USP6NL: variants seen among roughly 807,000 people sequenced by gnomAD.
The protein encoded by USP6NL is USP6 N-terminal like, also known as USP6 N-terminal-like protein.
In USP6NL, 26 loss-of-function variants were observed where a neutral mutation model predicts 61.9. The ratio of observed to expected loss-of-function variants is 0.42; its 90% confidence interval spans 0.31 to 0.58. USP6NL has a LOEUF of 0.58. Ranked by LOEUF, USP6NL falls within the 20% of genes least tolerant of loss-of-function variation. The pLI, the probability that USP6NL is intolerant of heterozygous loss-of-function variation, is 0.16. For synonymous variants in USP6NL, 432 were observed against 390.1 expected (o/e 1.11, Z -1.27); for missense variants, 1,114 against 1,034.3 (o/e 1.08, Z -1.06).
Position 11,527,518 on chromosome 10 carries a change from T to C in USP6NL, c.54A>G (p.Ile18Met). 6.2e-7 allele frequency: 1 copy of C among 1,607,978 alleles called. No homozygotes were observed. The highest frequency in any genetic ancestry group is 8.5e-7 in the Non-Finnish European group (1 of 1,176,918). ...TACTTACTCTGTCATATTTAGCAAC[T>C]ATTTCAGCTCGCTCCTGGGCAAGTT... is the stretch of plus-strand genomic sequence containing the variant. ...ALKLAQERAE[I>M]VAKYDRGREG... The change falls in exon 3 of 15, where the codon ATA (isoleucine) becomes ATG (methionine). Residue 18 changes from isoleucine (I) to methionine (M), a missense_variant. Transcript: ENST00000609104.
intron 13 of USP6NL, among the ~76,000 whole-genome samples, chr10:11,484,188 A>C (rs1833361170): frequency 6.6e-6 from 1 of 152,230 alleles, no homozygotes; most frequent in South Asian, 2.1e-4. Context: ...AAGTACGTGT[A>C]CGTATGAAGC....
intron 2 of USP6NL, chr10:11,564,761 C>T (rs115909088): frequency 6.6e-6 from 1 of 152,310 alleles, no homozygotes; most frequent in East Asian, 1.9e-4. Context: ...GAAAGCAACA[C>T]AAGATATTGC....
intron 2 of USP6NL, among the ~76,000 whole-genome samples, chr10:11,542,310 G>T (rs1009899976): frequency 1.3e-5 from 2 of 152,138 alleles, no homozygotes; most frequent in African/African-American, 4.8e-5. Flanking sequence ...TGTAAATAAT[G>T]TGAAAAATGC....
intron 2 of USP6NL, among the ~76,000 whole-genome samples, chr10:11,547,811 G>A (rs1003662399): frequency 5.3e-5 from 8 of 152,132 alleles, no homozygotes; most frequent in Non-Finnish European, 4.4e-5. Context: ...AAAGTGCTAG[G>A]ATTACAGGCA....
In USP6NL at chr10:11,527,582, T is replaced by G; in HGVS notation, c.5-15A>C. 6.2e-7 allele frequency: 1 copy of G among 1,601,482 alleles called. No individual in the cohort carries two copies. The highest frequency in any genetic ancestry group is 8.5e-7 in the Non-Finnish European group (1 of 1,173,158). On this transcript the variant is annotated splice_polypyrimidine_tract_variant and intron_variant, in intron 2 of 14. Transcript: ENST00000609104. ...CTGGTCTGAATCTGTGGAGAAGACA[T>G]CAAATTTAGATGAATTGTCATTGAA... is the stretch of plus-strand genomic sequence containing the variant.
intron 5 of USP6NL, among the ~76,000 whole-genome samples, chr10:11,509,929 C>T (rs1309508938): frequency 6.6e-6 from 1 of 151,966 alleles, no homozygotes; most frequent in African/African-American, 2.4e-5. Context: ...TGAAAAGTAA[C>T]CAAAATATTG....
At chr10:11,593,222 T>C (rs1838212464) in intron 2 of USP6NL, among the ~76,000 whole-genome samples, 1 of 152,260 alleles carries the variant, frequency 6.6e-6, no homozygotes, top group Non-Finnish European at 1.5e-5. Context: ...CATTAAAATT[T>C]TAAAACAGAG....
chr10:11,509,712 G>A (rs368851778), intron 5 of USP6NL, 37 bp from the exon 6 acceptor site: 213 of 1,489,002 alleles, frequency 1.4e-4, no homozygotes, highest in Non-Finnish European at 1.8e-4. Context: ...ATTGTTGTTC[G>A]TTTCTTTACT....
intron 2 of USP6NL, among the ~76,000 whole-genome samples, chr10:11,530,101 C>CAAA (rs900768943): frequency 3.6e-4 from 26 of 71,928 alleles, no homozygotes; most frequent in Admixed American, 4.9e-4. Context: ...GACCCTGTCT[C>CAAA]AAAAAAAAAA....
chr10:11,519,425 T>G (rs1193690609), intron 4 of USP6NL, among the ~76,000 whole-genome samples: 2 of 151,830 alleles, frequency 1.3e-5, no homozygotes, highest in Non-Finnish European at 2.9e-5. Context: ...AGGTCAGGAG[T>G]TGAAGACCAG....
intron 6 of USP6NL, among the ~76,000 whole-genome samples, chr10:11,504,636 A>G (rs1834358538): frequency 6.6e-6 from 1 of 152,258 alleles, no homozygotes; most frequent in Admixed American, 6.5e-5. Context: ...AACATCATTC[A>G]TTCATTCTAA....
At chr10:11,524,938 T>C (rs1835357632) in intron 4 of USP6NL, among the ~76,000 whole-genome samples, 1 of 152,186 alleles carries the variant, frequency 6.6e-6, no homozygotes. Context: ...ATGGAATTAA[T>C]TTTGAGAAGC....
At position 11,587,949 on chromosome 10, in the gene USP6NL, G is replaced by C. The variant is rs1187291073; in HGVS notation, c.4+9682C>G. On this transcript the variant is annotated intron_variant, in intron 2 of 14. Transcript: ENST00000609104. The surrounding 1 kb of genome is among the most constrained non-coding windows in gnomAD (Gnocchi z 4.5). Reference sequence around the variant, plus strand: ...CTATTTCAATTCAAGTAGAAATGGGGAATTTTCTACTAAACAGCTAAACGT... The same window carrying C: ...CTATTTCAATTCAAGTAGAAATGGGCAATTTTCTACTAAACAGCTAAACGT... Among the ~76,000 whole-genome samples the C allele has an allele frequency of 2.0e-5, 3 of 152,280 alleles. No individual in the cohort carries two copies. Among genetic ancestry groups the C allele is most frequent in the East Asian group, 3.9e-4 (2 of 5,184 alleles).
chr10:11,504,046 T>C (rs983118384), intron 6 of USP6NL, among the ~76,000 whole-genome samples: 17 of 151,930 alleles, frequency 1.1e-4, no homozygotes, highest in African/African-American at 3.9e-4. Flanking sequence ...TTAAAAGGAA[T>C]ATAAAAACGA....
intron 2 of USP6NL, among the ~76,000 whole-genome samples, chr10:11,578,744 A>G (rs1837641519): frequency 6.6e-6 from 1 of 152,260 alleles, no homozygotes; most frequent in Non-Finnish European, 1.5e-5. Flanking sequence ...TTAAATGTCA[A>G]TACAATATAT....
intron 4 of USP6NL, among the ~76,000 whole-genome samples, chr10:11,523,879 C>G (rs1256865292): frequency 6.6e-6 from 1 of 152,120 alleles, no homozygotes; most frequent in Admixed American, 6.5e-5. Flanking sequence ...GAATCAAAAT[C>G]TAGGAAAGAC....
At chr10:11,604,619 C>G (rs1388386113) in intron 1 of USP6NL, among the ~76,000 whole-genome samples, 7 of 152,156 alleles carry the variant, frequency 4.6e-5, no homozygotes, top group African/African-American at 1.7e-4. Context: ...AGAATTCAAA[C>G]TGATAATAAA....
chr10:11,535,353 C>T (rs1835790873), intron 2 of USP6NL, among the ~76,000 whole-genome samples: 2 of 152,180 alleles, frequency 1.3e-5, no homozygotes, highest in Admixed American at 1.3e-4. Flanking sequence ...TCAACCAGCC[C>T]TTCTCTGTGG....
At chr10:11,515,520 C>G (rs903474852) in intron 5 of USP6NL, among the ~76,000 whole-genome samples, 1 of 152,198 alleles carries the variant, frequency 6.6e-6, no homozygotes, top group Non-Finnish European at 1.5e-5. Context: ...TGGCTTCTGA[C>G]GTGAGAGGCA....
Sources: allele counts gnomAD v4.1 joint callset (sites outside exome capture counted in the v4.1 genomes callset), GRCh38; gene constraint gnomAD v4.1.1; non-coding constraint Gnocchi (gnomAD v3.1); transcripts MANE v1.5; gene names NCBI Gene and HGNC (gene_info 2026-07-23, HGNC 2026-07-21).